The following GSE1 variants were observed in gnomAD, a reference collection of about 807,000 sequenced individuals.
The protein encoded by GSE1 is Gse1 coiled-coil protein.
A neutral mutation model predicts 112.6 loss-of-function variants in GSE1; 32 were observed. That is an observed-to-expected ratio of 0.28 (90% CI 0.21 to 0.38). GSE1 has a LOEUF of 0.38. Ranked by LOEUF, GSE1 falls within the 10% of genes least tolerant of loss-of-function variation. The pLI, the probability that GSE1 is intolerant of heterozygous loss-of-function variation, is 1.00. For synonymous variants in GSE1, 1,115 were observed against 735.6 expected (o/e 1.52, Z -8.35); for missense variants, 2,348 against 1,699.2 (o/e 1.38, Z -6.71).
At chr16:85,353,290 T>G (rs2046886867) in intron 1 of GSE1, among the ~76,000 whole-genome samples, 1 of 152,258 alleles carries the variant, frequency 6.6e-6, no homozygotes, top group South Asian at 2.1e-4. Flanking sequence ...TCTGTAGGAC[T>G]GAGGGCTGCT....
At chr16:85,608,219 C>G (rs981657850), upstream of GSE1, among the ~76,000 whole-genome samples, 1 of 152,152 alleles carries the variant, frequency 6.6e-6, no homozygotes, top group African/African-American at 2.4e-5. Flanking sequence ...TGCACCTTCA[C>G]CGATGCGTAG....
intron 1 of GSE1, among the ~76,000 whole-genome samples, chr16:85,172,250 C>G (rs577076504): frequency 6.6e-6 from 1 of 152,334 alleles, no homozygotes; most frequent in East Asian, 1.9e-4. Flanking sequence ...AGTTCCTCTC[C>G]GTTCTAGCTC....
Position 85,261,780 on chromosome 16 carries a change from C to T in GSE1, c.2283+89973C>T, listed in dbSNP as rs144494664. Among the ~76,000 whole-genome samples the T allele has an allele frequency of 6.6e-5, 10 of 152,260 alleles. No individual in the cohort carries two copies. In the East Asian group the frequency reaches 1.9e-3, roughly 29 times the overall value. On this transcript the variant is annotated intron_variant, in intron 1 of 2. Transcript: ENST00000637419. ...TTGTATGCCAGAGCCGCCATCGTCC[C>T]CAGTCTACAGACAAGGAAGCTGAGG...
intron 2 of GSE1, among the ~76,000 whole-genome samples, chr16:85,361,509 C>T (rs2047081504): frequency 6.6e-6 from 1 of 152,248 alleles, no homozygotes; most frequent in Admixed American, 6.5e-5. Context: ...GCCCTCTCTG[C>T]CCTCTCTGTC....
intron 9 of GSE1, 119 bp downstream of exon 9, chr16:85,661,884 C>G (rs1001471234): frequency 1.4e-5 from 14 of 1,034,888 alleles, no homozygotes; most frequent in Non-Finnish European, 1.8e-5. Context: ...GGGGTAGTCC[C>G]AGGCCCCAGG....
Position 85,656,631 on chromosome 16 carries a change from C to T in GSE1, c.1278C>T (p.Gly426=). The part of the protein sequence containing the change: ...GLRGHATEER[G]KPSEQLTPTR... Reference sequence around the variant, plus strand: ...GTGGCCATGCCACTGAGGAGCGGGGCAAGCCCTCGGAGCAGCTGACCCCAA... The same window carrying T: ...GTGGCCATGCCACTGAGGAGCGGGGTAAGCCCTCGGAGCAGCTGACCCCAA... The change falls in exon 7 of 16, where the codon GGC becomes GGT. Residue 426 remains glycine, a synonymous_variant. Coordinates refer to ENST00000253458, the MANE Select transcript of GSE1 (RefSeq NM_014615.5). 1 of 1,538,286 alleles carries T rather than the reference C, an allele frequency of 6.5e-7. No individual in the cohort carries two copies. Among genetic ancestry groups the T allele is most frequent in the Non-Finnish European group, 8.8e-7 (1 of 1,141,008 alleles).
intron 2 of GSE1, among the ~76,000 whole-genome samples, chr16:85,398,784 C>T (rs530807588): frequency 6.6e-6 from 1 of 152,270 alleles, no homozygotes; most frequent in South Asian, 2.1e-4. Context: ...TTTCTGTTCA[C>T]GTGGTCCTTA....
intron 2 of GSE1, among the ~76,000 whole-genome samples, chr16:85,416,978 C>G (rs1318873246): frequency 6.9e-6 from 1 of 145,736 alleles, no homozygotes; most frequent in East Asian, 2.2e-4. Flanking sequence ...TCTCAGCCTC[C>G]TGGGTGGCTG....
In GSE1 at chr16:85,539,482, A is replaced by G. The variant is rs76341398; in HGVS notation, c.2465-94432A>G. On this transcript the variant is annotated intron_variant, in intron 2 of 2. Coordinates refer to the GSE1 transcript ENST00000637419. ...TGCCCCCACAGAAAGAATCCCTGGT[A>G]CAGGCTTTTCGAGCCAAGGCTATGA... Among the ~76,000 whole-genome samples the G allele has an allele frequency of 4.7e-3, 715 of 152,342 alleles. 5 individuals carry two copies. Among genetic ancestry groups the G allele is most frequent in the African/African-American group, 0.016 (685 of 41,580 alleles).
intron 2 of GSE1, among the ~76,000 whole-genome samples, chr16:85,418,618 TGGGACGTTG>T (rs1185115994): frequency 6.6e-6 from 1 of 152,092 alleles, no homozygotes; most frequent in African/African-American, 2.4e-5. Context: ...CTGCTGTCTG[TGGGACGTTG>T]GGGACAGGCA....
intron 1 of GSE1, among the ~76,000 whole-genome samples, chr16:85,203,013 A>G (rs2075056497): frequency 8.1e-6 from 1 of 122,704 alleles, no homozygotes; most frequent in African/African-American, 3.0e-5. Flanking sequence ...CTCCTTGGCC[A>G]GAACATCTGT....
intron 2 of GSE1, among the ~76,000 whole-genome samples, chr16:85,487,858 C>A (rs1316679128): frequency 3.9e-5 from 6 of 152,196 alleles, no homozygotes; most frequent in Non-Finnish European, 5.9e-5. Context: ...AGTTGGTGGT[C>A]CCTCAAGGCC....
At chr16:85,363,634 C>A (rs2047127916) in intron 2 of GSE1, among the ~76,000 whole-genome samples, 1 of 152,204 alleles carries the variant, frequency 6.6e-6, no homozygotes, top group Non-Finnish European at 1.5e-5. Flanking sequence ...AAGCACTGAG[C>A]TGTTTTCCCA....
intron 1 of GSE1, among the ~76,000 whole-genome samples, chr16:85,347,112 T>C (rs1367292630): frequency 1.3e-5 from 2 of 151,872 alleles, no homozygotes; most frequent in Non-Finnish European, 2.9e-5. Flanking sequence ...TGTTGAGAGC[T>C]GTGGCTGGCA....
intron 1 of GSE1, among the ~76,000 whole-genome samples, chr16:85,631,206 A>C (rs771419573): frequency 1.1e-4 from 16 of 152,008 alleles, no homozygotes; most frequent in Non-Finnish European, 2.4e-4. Flanking sequence ...CCCGCAGCCT[A>C]CTCGGTGTGG....
upstream of GSE1, chr16:85,611,453 G>C (rs1486066363): frequency 7.1e-6 from 7 of 985,178 alleles, no homozygotes; most frequent in Non-Finnish European, 8.4e-6. Context: ...GGCCGCAAGG[G>C]GGGCGCCGCC....
intron 1 of GSE1, among the ~76,000 whole-genome samples, chr16:85,331,359 G>GTATATA (rs1192723319): frequency 0.022 from 1,191 of 54,472 alleles, 115 homozygotes; most frequent in African/African-American, 0.058. Context: ...GTGTGTGTGT[G>GTATATA]TGTGTGTATA....
intron 1 of GSE1, among the ~76,000 whole-genome samples, chr16:85,346,492 C>G (rs1236944228): frequency 7.5e-6 from 1 of 133,038 alleles, no homozygotes; most frequent in African/African-American, 2.9e-5. Flanking sequence ...GGATGATGGA[C>G]AGGTAGATAG....
chr16:85,627,674 C>T (rs978684774), intron 1 of GSE1, among the ~76,000 whole-genome samples: 2 of 151,404 alleles, frequency 1.3e-5, no homozygotes, highest in African/African-American at 4.9e-5. Context: ...AGCCCCCGGC[C>T]CCCCGGCCCC....
Sources: allele counts gnomAD v4.1 joint callset (sites outside exome capture counted in the v4.1 genomes callset), GRCh38; gene constraint gnomAD v4.1.1; transcripts MANE v1.5; gene names NCBI Gene and HGNC (gene_info 2026-07-23, HGNC 2026-07-21).